Variants in HK1 observed in about 807,000 individuals in gnomAD.
The protein encoded by HK1 is hexokinase 1.
Under a neutral mutation model 91.6 loss-of-function variants are expected in HK1, and 28 were observed. That is an observed-to-expected ratio of 0.31 (90% CI 0.23 to 0.42). The LOEUF is 0.42. Among genes scored for constraint, HK1 ranks in the 10% least tolerant of loss-of-function variants. The probability of loss-of-function intolerance (pLI) is 1.00; values close to 1 mark genes in which losing one functional copy is unlikely to be tolerated. For missense variants in HK1, 770 were observed against 1,219.8 expected (o/e 0.63, Z 5.49); for synonymous variants, 430 against 468.1 (o/e 0.92, Z 1.05).
intron 2 of HK1, chr10:69,288,564 A>G: frequency 1.4e-6 from 1 of 713,712 alleles, no homozygotes; most frequent in Non-Finnish European, 2.6e-6. Context: ...TGTCTGCACT[A>G]TGTCTTGGTT....
chr10:69,323,356 A>T (rs947888671), intron 1 of HK1, among the ~76,000 whole-genome samples: 3 of 151,414 alleles, frequency 2.0e-5, no homozygotes, highest in Non-Finnish European at 2.9e-5. Flanking sequence ...ACCTCATCTT[A>T]AAAAAAAATT....
upstream of HK1, chr10:69,318,232 C>A (rs1450143797): frequency 2.1e-5 from 21 of 985,374 alleles, no homozygotes; most frequent in Non-Finnish European, 2.5e-5. Context: ...CGCTGAAGAC[C>A]CAGGTAGGCC....
chr10:69,276,745 C>T (rs1844497095), intron 1 of HK1, among the ~76,000 whole-genome samples: 1 of 149,374 alleles, frequency 6.7e-6, no homozygotes, highest in African/African-American at 2.4e-5. Context: ...AATTAAACAT[C>T]AAATCATTCA....
chr10:69,358,155 CT>C (rs2132753338), intron 2 of HK1, among the ~76,000 whole-genome samples: 1 of 152,258 alleles, frequency 6.6e-6, no homozygotes, highest in South Asian at 2.1e-4. Context: ...GCCGTCACCC[CT>C]GGCGTGGTAG....
chr10:69,283,814 A>G (rs988475735), intron 2 of HK1, among the ~76,000 whole-genome samples: 23 of 150,064 alleles, frequency 1.5e-4, no homozygotes, highest in Admixed American at 9.9e-4. Context: ...AAAAAAAAAA[A>G]AAAGAAAAGA....
intron 7 of HK1, among the ~76,000 whole-genome samples, chr10:69,374,323 C>G (rs1040055261): frequency 3.9e-5 from 6 of 152,218 alleles, no homozygotes; most frequent in Non-Finnish European, 7.3e-5. Context: ...TCCCCTCCCC[C>G]ATCTCAGCCC....
At position 69,358,506 on chromosome 10, in the gene HK1, T is replaced by A. The variant is rs555586158; in HGVS notation, c.227-1391T>A. On this transcript the variant is annotated intron_variant, in intron 2 of 17. Transcript: ENST00000359426. ...TGGGTGGAAACAACCCAAGGGTCCA[T>A]CAACAGATGAAAGGATAAACAAAAT... Among the ~76,000 whole-genome samples the A allele has an allele frequency of 9.2e-5, 14 of 152,260 alleles. No individual in the cohort carries two copies. The South Asian group carries it at 2.9e-3, about 32-fold the overall frequency.
intron 4 of HK1, among the ~76,000 whole-genome samples, chr10:69,368,094 A>G (rs10998747): frequency 0.18 from 26,810 of 152,152 alleles, 2,815 homozygotes; most frequent in Non-Finnish European, 0.24. Flanking sequence ...TTATCTTAGC[A>G]TTTTGTTTCT....
rs558507564 is a variant in HK1 at position 69,288,563 on chromosome 10, T to C, written c.-214-108T>C. ...GAATACTCTAGAAATGTGTCTGCACTATGTCTTGGTTCTCAGTATTAGGGT... is the reference window on the plus strand; with the variant it reads ...GAATACTCTAGAAATGTGTCTGCACCATGTCTTGGTTCTCAGTATTAGGGT... On this transcript the variant is annotated intron_variant, in intron 2 of 21. Coordinates refer to the HK1 transcript ENST00000360289. 6 of 711,028 alleles carry C rather than the reference T, an allele frequency of 8.4e-6. No individual in the cohort carries two copies. The African/African-American group carries it at 1.1e-4, about 12-fold the overall frequency. The allele number at this position is 711,028 out of a possible 1,614,324, so 44.0% of individuals were successfully genotyped here.
intron 2 of HK1, among the ~76,000 whole-genome samples, chr10:69,354,794 G>A (rs1311220711): frequency 2.0e-5 from 3 of 152,150 alleles, no homozygotes; most frequent in Non-Finnish European, 1.5e-5. Context: ...CAGGCTGGGC[G>A]CAGTGGCTCA....
chr10:69,270,330 C>G (rs1477959543), intron 1 of HK1, among the ~76,000 whole-genome samples: 1 of 151,868 alleles, frequency 6.6e-6, no homozygotes, highest in East Asian at 1.9e-4. Context: ...CCTGTAATCC[C>G]TGCACTTTGG....
chr10:69,302,715 C>T (rs2132505718), intron 5 of HK1, among the ~76,000 whole-genome samples: 1 of 147,440 alleles, frequency 6.8e-6, no homozygotes, highest in African/African-American at 2.5e-5. Flanking sequence ...GTGATTGATC[C>T]ACTGCACTCC....
rs149305493 is a variant in HK1 at position 69,362,401 on chromosome 10, A to G, written c.375+2356A>G. Among the ~76,000 whole-genome samples the G allele has an allele frequency of 1.1e-3, 162 of 151,990 alleles. 1 individual carries two copies. The highest frequency in any genetic ancestry group is 3.9e-3 in the African/African-American group (160 of 41,452). ...CATAGTGTGTGTATTTCTCAAATAAAGAGTGTGTTGTCAGGCAAGAAGAGA... is the reference window on the plus strand; with the variant it reads ...CATAGTGTGTGTATTTCTCAAATAAGGAGTGTGTTGTCAGGCAAGAAGAGA... On this transcript the variant is annotated intron_variant, in intron 3 of 17. Coordinates refer to ENST00000359426, the MANE Select transcript of HK1 (RefSeq NM_000188.3).
intron 2 of HK1, among the ~76,000 whole-genome samples, chr10:69,359,335 C>T (rs1029675402): frequency 6.6e-6 from 1 of 152,126 alleles, no homozygotes; most frequent in Non-Finnish European, 1.5e-5. Context: ...TGTGAATGTA[C>T]TTAATGCTAC....
At chr10:69,343,637 A>G (rs1848399764) in intron 1 of HK1, among the ~76,000 whole-genome samples, 190 bp from the exon 2 acceptor site, 1 of 152,196 alleles carries the variant, frequency 6.6e-6, no homozygotes, top group African/African-American at 2.4e-5. Flanking sequence ...GCCAGGAACT[A>G]GGGCTCAGAG....
chr10:69,347,163 A>G (rs1848602016), intron 2 of HK1, among the ~76,000 whole-genome samples: 1 of 152,000 alleles, frequency 6.6e-6, no homozygotes, highest in South Asian at 2.1e-4. Context: ...GGCACCTGCC[A>G]CCATGCCCAG....
chr10:69,399,670 C>T (rs143809962), intron 17 of HK1, among the ~76,000 whole-genome samples: 52 of 152,214 alleles, frequency 3.4e-4, no homozygotes, highest in African/African-American at 9.9e-4. Flanking sequence ...CCCCCCATGC[C>T]AGAGAAGGAC....
At chr10:69,318,771 C>A, upstream of HK1, 1 of 1,259,586 alleles carries the variant, frequency 7.9e-7, no homozygotes, top group Non-Finnish European at 1.0e-6. Flanking sequence ...CTCCAGGGGA[C>A]GGGAGCGCGG....
At chr10:69,347,027 T>G (rs1159738882) in intron 2 of HK1, among the ~76,000 whole-genome samples, 1 of 151,826 alleles carries the variant, frequency 6.6e-6, no homozygotes, top group Non-Finnish European at 1.5e-5. Context: ...ATACTTACAT[T>G]TCCTCTTTTC....
Sources: gnomAD v4.1 joint callset for allele counts (sites outside exome capture counted in the v4.1 genomes callset) on GRCh38, gnomAD v4.1.1 for gene constraint, MANE v1.5 for transcripts, NCBI Gene and HGNC (gene_info 2026-07-23, HGNC 2026-07-21) for gene names.